The following DPP10 variants were observed in gnomAD, a reference collection of about 807,000 sequenced individuals.
The protein encoded by DPP10 is dipeptidyl peptidase like 10, also known as inactive dipeptidyl peptidase 10.
DPP10 carries 33 observed loss-of-function variants against 120.9 expected under a neutral mutation model. That is an observed-to-expected ratio of 0.27 (90% CI 0.21 to 0.37). DPP10 has a LOEUF of 0.37. Among genes scored for constraint, DPP10 ranks in the 10% least tolerant of loss-of-function variants. The pLI, the probability that DPP10 is intolerant of heterozygous loss-of-function variation, is 1.00. For synonymous variants in DPP10, 337 were observed against 326.1 expected, an observed-to-expected ratio of 1.03 and a Z score of -0.36; for missense variants, 816 against 942.8, an observed-to-expected ratio of 0.87 and a Z score of 1.76.
intron 3 of DPP10, among the ~76,000 whole-genome samples, chr2:115,483,479 C>CTATCTATCTATATCTGTATG (rs3980957): frequency 0.046 from 6,642 of 144,106 alleles, 217 homozygotes; most frequent in South Asian, 0.067. Flanking sequence ...ATCTATCTAT[C>CTATCTATCTATATCTGTATG]TGTATGTGTA....
intron 1 of DPP10, among the ~76,000 whole-genome samples, chr2:115,232,541 C>A (rs1200228388): frequency 1.3e-5 from 2 of 152,130 alleles, no homozygotes; most frequent in African/African-American, 4.8e-5. Context: ...CTTCTGATTT[C>A]CCTTGCTGTG....
intron 1 of DPP10, among the ~76,000 whole-genome samples, chr2:114,888,501 A>G (rs1442943846): frequency 1.3e-5 from 2 of 152,216 alleles, no homozygotes; most frequent in African/African-American, 2.4e-5. Context: ...TTTGGTAATT[A>G]TATTTAGCGG....
intron 1 of DPP10, among the ~76,000 whole-genome samples, chr2:115,104,590 A>G (rs1286293357): frequency 6.6e-6 from 1 of 152,110 alleles, no homozygotes; most frequent in Non-Finnish European, 1.5e-5. Flanking sequence ...TGTAAGAGGT[A>G]GTCTGTGTTT....
chr2:114,545,773 A>T (rs1331489723), intron 1 of DPP10, among the ~76,000 whole-genome samples: 1 of 152,180 alleles, frequency 6.6e-6, no homozygotes, highest in Non-Finnish European at 1.5e-5. Context: ...TTATTATAAT[A>T]ATTATTATTT....
chr2:114,979,686 A>G (rs1699967559), intron 1 of DPP10, among the ~76,000 whole-genome samples: 1 of 152,078 alleles, frequency 6.6e-6, no homozygotes, highest in South Asian at 2.1e-4. Flanking sequence ...GGTTCATTTT[A>G]CATTTTTGTA....
intron 1 of DPP10, among the ~76,000 whole-genome samples, chr2:115,296,422 C>T (rs901829101): frequency 4.6e-5 from 7 of 152,026 alleles, no homozygotes; most frequent in Non-Finnish European, 8.8e-5. Context: ...TTACCTGACT[C>T]CTGGGCAATT....
At chr2:114,509,349 T>C (rs1165132104) in intron 1 of DPP10, among the ~76,000 whole-genome samples, 2 of 152,236 alleles carry the variant, frequency 1.3e-5, no homozygotes, top group African/African-American at 4.8e-5. Context: ...ATAATAATTC[T>C]ATTAATCCTT....
At chr2:114,602,118 TA>T (rs1268336776) in intron 1 of DPP10, among the ~76,000 whole-genome samples, 1 of 151,906 alleles carries the variant, frequency 6.6e-6, no homozygotes, top group Non-Finnish European at 1.5e-5. Flanking sequence ...TATATTTTCA[TA>T]GGAAAATACC....
chr2:114,891,685 A>G (rs1315168119), intron 1 of DPP10, among the ~76,000 whole-genome samples: 1 of 152,226 alleles, frequency 6.6e-6, no homozygotes, highest in African/African-American at 2.4e-5. Flanking sequence ...AACAATTTCA[A>G]ATCACTGCAA....
intron 3 of DPP10, among the ~76,000 whole-genome samples, chr2:115,461,610 A>G (rs1250456251): frequency 6.6e-6 from 1 of 152,206 alleles, no homozygotes; most frequent in Non-Finnish European, 1.5e-5. Flanking sequence ...ATCATTTCAC[A>G]ATATACAGGC....
At chr2:115,605,715 C>CT (rs926890004) in intron 5 of DPP10, among the ~76,000 whole-genome samples, 17 of 151,906 alleles carry the variant, frequency 1.1e-4, no homozygotes, top group African/African-American at 3.6e-4. Context: ...CTCTCTCTCT[C>CT]TTTTTTTTCT....
chr2:115,657,669 A>G (rs1239424786), intron 5 of DPP10, among the ~76,000 whole-genome samples: 1 of 151,938 alleles, frequency 6.6e-6, no homozygotes, highest in Non-Finnish European at 1.5e-5. Flanking sequence ...TAGAAGTTTT[A>G]TTTTAATGTT....
intron 1 of DPP10, among the ~76,000 whole-genome samples, chr2:114,471,662 GT>G (rs1335271297): frequency 6.6e-6 from 1 of 152,224 alleles, no homozygotes; most frequent in Non-Finnish European, 1.5e-5. Context: ...GACGTGGGTT[GT>G]AAATTGGAGA....
At chr2:115,081,908 ATTAGATT>A (rs1429037211) in intron 1 of DPP10, among the ~76,000 whole-genome samples, 1 of 152,190 alleles carries the variant, frequency 6.6e-6, no homozygotes, top group Admixed American at 6.5e-5. Context: ...TGAATTCTGC[ATTAGATT>A]TTGATTCCAT....
intron 1 of DPP10, among the ~76,000 whole-genome samples, chr2:115,255,807 AT>A (rs2058959168): frequency 1.3e-5 from 2 of 152,260 alleles, no homozygotes; most frequent in South Asian, 2.1e-4. Context: ...TCACTATCAG[AT>A]TTTGGTCAAA....
chr2:115,640,583 G>A (rs1029368241), intron 5 of DPP10, among the ~76,000 whole-genome samples: 5 of 152,020 alleles, frequency 3.3e-5, no homozygotes, highest in Non-Finnish European at 5.9e-5. Context: ...ACTCATATTG[G>A]CAAAGTTATT....
intron 1 of DPP10, among the ~76,000 whole-genome samples, chr2:114,650,063 A>G (rs1445466901): frequency 6.6e-6 from 1 of 152,186 alleles, no homozygotes; most frequent in Non-Finnish European, 1.5e-5. Context: ...AGAAAAATGT[A>G]GGAGATTTCG....
intron 1 of DPP10, among the ~76,000 whole-genome samples, chr2:115,208,036 G>T (rs953106968): frequency 6.6e-6 from 1 of 152,130 alleles, no homozygotes; most frequent in Non-Finnish European, 1.5e-5. Flanking sequence ...GCATTTTAGA[G>T]CTGGAAAATC....
intron 1 of DPP10, among the ~76,000 whole-genome samples, chr2:114,619,725 A>G (rs986265290): frequency 6.6e-6 from 1 of 151,980 alleles, no homozygotes; most frequent in Admixed American, 6.6e-5. Context: ...ATGCTTGTCA[A>G]TATATGATTC....
Sources: allele counts gnomAD v4.1 joint callset (sites outside exome capture counted in the v4.1 genomes callset), GRCh38; gene constraint gnomAD v4.1.1; transcripts MANE v1.5; gene names NCBI Gene and HGNC (gene_info 2026-07-23, HGNC 2026-07-21).